FCGR3B: variants seen among roughly 807,000 people sequenced by gnomAD.
The protein encoded by FCGR3B is Fc gamma receptor IIIb.
FCGR3B carries 20 observed loss-of-function variants against 26.7 expected under a neutral mutation model. The ratio of observed to expected loss-of-function variants is 0.75; its 90% confidence interval spans 0.53 to 1.09. The LOEUF (loss-of-function observed/expected upper bound fraction) is 1.09. FCGR3B is among the 50% of genes least tolerant of loss of function. The pLI, the probability that FCGR3B is intolerant of heterozygous loss-of-function variation, is 0.00. For synonymous variants in FCGR3B, 79 were observed against 107.0 expected, an observed-to-expected ratio of 0.74 and a Z score of 1.62; for missense variants, 191 against 279.7, an observed-to-expected ratio of 0.68 and a Z score of 2.26.
intron 3 of FCGR3B, among the ~76,000 whole-genome samples, chr1:161,628,194 A>T (rs1679566112): frequency 6.7e-6 from 1 of 149,896 alleles, no homozygotes; most frequent in African/African-American, 2.5e-5. Flanking sequence ...AATCGCTGGA[A>T]CCAGGGAGGT....
At position 161,631,046 on chromosome 1, in the gene FCGR3B, C is replaced by G. The variant is rs199723977; in HGVS notation, c.40+9G>C. 112 of 1,604,278 alleles carry G rather than the reference C, an allele frequency of 7.0e-5. 9 individuals carry two copies. In the South Asian group the frequency reaches 1.2e-3, roughly 17 times the overall value. ...AACTTCTCCCTCAACCAGGGAGATC[C>G]TGACTTACCTAGAAGTAGCAGAGCA... On this transcript the variant is annotated intron_variant, in intron 1 of 4. Transcript: ENST00000650385.
Position 161,629,735 on chromosome 1 carries a change from C to T in FCGR3B, c.319+43G>A. 3 of 1,271,326 alleles carry T rather than the reference C, an allele frequency of 2.4e-6. 1 individual carries two copies. The allele number at this position is 1,271,326 out of a possible 1,614,324, so 78.8% of individuals were successfully genotyped here. On this transcript the variant is annotated intron_variant, in intron 3 of 4. Transcript: ENST00000650385. The stretch of plus-strand genomic sequence containing the variant: ...CCAAGTATTTCAGGACCCTTTGTTT[C>T]ACCCTTTATTGGTGATTTTCCTCTT...
In FCGR3B at chr1:161,624,455, T is replaced by C; in HGVS notation, c.*60A>G. The C allele has an allele frequency of 5.1e-6, 8 of 1,565,178 alleles. 1 individual carries two copies. The South Asian group carries it at 9.2e-5, about 18-fold the overall frequency. ...TATTACCCCCATGGGATGGGGGTCATGTGTCTTGAGGGTCCTTTCTCCATT... is the reference window on the plus strand; with the variant it reads ...TATTACCCCCATGGGATGGGGGTCACGTGTCTTGAGGGTCCTTTCTCCATT... On this transcript the variant is annotated 3_prime_UTR_variant, in exon 5 of 5. Coordinates refer to ENST00000650385, the MANE Select transcript of FCGR3B (RefSeq NM_001244753.2).
At position 161,623,306 on chromosome 1, in the gene FCGR3B, T is replaced by G. The variant is rs1482964423; in HGVS notation, c.*1209A>C. 2.0e-5 allele frequency: 3 copies of G among 150,538 alleles called. No homozygotes were observed. The highest frequency in any genetic ancestry group is 4.4e-5 in the Non-Finnish European group (3 of 67,768). The allele number at this position is 150,538 out of a possible 1,614,324, so 9.3% of individuals were successfully genotyped here. A position where few individuals can be genotyped will look rare whatever the true frequency, so the allele number is the denominator to read the frequency against. On this transcript the variant is annotated 3_prime_UTR_variant, in exon 5 of 5. Transcript: ENST00000650385. ...ACCAAGAAATGTTGCACTGAAAGCTTACAAAACAGAGACAGCTAAAGCTTT... is the reference window on the plus strand; with the variant it reads ...ACCAAGAAATGTTGCACTGAAAGCTGACAAAACAGAGACAGCTAAAGCTTT...
chr1:161,624,583 A>G lies in FCGR3B; in HGVS notation c.634T>C (p.Cys212Arg), dbSNP rs1363105641. 1 of 1,606,460 alleles carries G rather than the reference A, an allele frequency of 6.2e-7. No homozygotes were observed. The highest frequency in any genetic ancestry group is 8.5e-7 in the Non-Finnish European group (1 of 1,176,344). The change falls in exon 5 of 5, where the codon TGC becomes CGC. Residue 212 changes from cysteine to arginine, a missense_variant. Cys to Arg is a radical substitution (Grantham distance 180). This residue lies in a region of FCGR3B where 103 missense variants were observed against 114.5 expected (regional missense o/e 0.90). Coordinates refer to ENST00000650385, the MANE Select transcript of FCGR3B (RefSeq NM_001244753.2). ...FSPPGYQVSFCLVMVLLFAVD... is the reference protein window; with the variant it reads ...FSPPGYQVSFRLVMVLLFAVD... ...GCAAAAAGGAGTACCATCACCAAGCAGAAAGAGACTTGGTACCCAGGTGGA... is the reference window on the plus strand; with the variant it reads ...GCAAAAAGGAGTACCATCACCAAGCGGAAAGAGACTTGGTACCCAGGTGGA...
chr1:161,627,335 A>G (rs1162765318), intron 3 of FCGR3B, among the ~76,000 whole-genome samples: 3 of 150,314 alleles, frequency 2.0e-5, no homozygotes, highest in African/African-American at 7.4e-5. Flanking sequence ...AGTGGGACCA[A>G]AGGACATTTT....
At chr1:161,628,177 G>T (rs557010063) in intron 3 of FCGR3B, among the ~76,000 whole-genome samples, 1 of 150,172 alleles carries the variant, frequency 6.7e-6, no homozygotes, top group African/African-American at 2.5e-5. Flanking sequence ...GGAGGCTGAA[G>T]CAGGAGAATC....
At chr1:161,631,273 C>A, upstream of FCGR3B, 1 of 1,443,564 alleles carries the variant, frequency 6.9e-7, no homozygotes, top group Non-Finnish European at 9.4e-7. Context: ...CGCAATGGAG[C>A]CCCACCATAG....
chr1:161,626,814 G>C lies in FCGR3B; in HGVS notation c.320-412C>G, dbSNP rs1025121436. ...GATGAGTTGCTCTATTAGAGGAAAA[G>C]GTAGATTTCAGAAGGAATAGGCAAT... On this transcript the variant is annotated intron_variant, in intron 3 of 4. Coordinates refer to ENST00000650385, the MANE Select transcript of FCGR3B (RefSeq NM_001244753.2). 6.0e-5 allele frequency among the ~76,000 whole-genome samples: 9 copies of C among 150,368 alleles called. 1 individual carries two copies. The highest frequency in any genetic ancestry group is 2.2e-4 in the African/African-American group (9 of 40,456).
At chr1:161,631,214 G>A (rs748196949), upstream of FCGR3B, 28 of 1,584,604 alleles carry the variant, frequency 1.8e-5, no homozygotes, top group South Asian at 9.2e-5. Context: ...TCTGTCACCT[G>A]CCAGTTTCCT....
chr1:161,628,934 A>T (rs1679607941), intron 3 of FCGR3B, among the ~76,000 whole-genome samples: 1 of 131,036 alleles, frequency 7.6e-6, no homozygotes, highest in Admixed American at 8.3e-5. Context: ...TGCAGGCTGA[A>T]CATGTATCTG....
rs1368929413 is a variant in FCGR3B, at chr1:161,623,419, T to C, written c.*1096A>G. On this transcript the variant is annotated 3_prime_UTR_variant, in exon 5 of 5. Transcript: ENST00000650385. ...TTGAAAGTTTCACAGCGTAACTCAG[T>C]GAAGCTCAGTAGTACATTTAGTATT... The C allele has an allele frequency of 2.0e-5, 3 of 150,552 alleles. No homozygotes were observed. Among genetic ancestry groups the C allele is most frequent in the African/African-American group, 4.9e-5 (2 of 40,438 alleles). 9.3% of individuals were successfully genotyped at this position (150,552 alleles called of 1,614,324 possible). A position where few individuals can be genotyped will look rare whatever the true frequency, so the allele number is the denominator to read the frequency against.
upstream of FCGR3B, chr1:161,631,567 C>A: frequency 2.6e-6 from 1 of 385,144 alleles, no homozygotes; most frequent in East Asian, 3.9e-5. Flanking sequence ...TCGTCCAGAC[C>A]CATCTATCTC....
chr1:161,628,153 G>A (rs1408365067), intron 3 of FCGR3B, among the ~76,000 whole-genome samples: 7 of 149,870 alleles, frequency 4.7e-5, no homozygotes. Flanking sequence ...TGCACCTGTA[G>A]TCCCAGCTAG....
chr1:161,626,556 G>C (rs1406876879), intron 3 of FCGR3B, among the ~76,000 whole-genome samples, 154 bp from the exon 4 acceptor site: 3 of 146,830 alleles, frequency 2.0e-5, no homozygotes, highest in Non-Finnish European at 4.5e-5. Context: ...GAGCTGATGG[G>C]GCCCTGCAAG....
At chr1:161,630,807 C>T in intron 1 of FCGR3B, 1 of 836,016 alleles carries the variant, frequency 1.2e-6, no homozygotes, top group Non-Finnish European at 1.8e-6. Flanking sequence ...TCTTTGGTTC[C>T]ACATAGTGAT....
In FCGR3B at chr1:161,628,242, C is replaced by T. The variant is rs139051042; in HGVS notation, c.319+1536G>A. 4.8e-3 allele frequency among the ~76,000 whole-genome samples: 725 copies of T among 150,040 alleles called. 55 individuals carry two copies. Among genetic ancestry groups the T allele is most frequent in the African/African-American group, 0.017 (672 of 40,346 alleles). ...GAACCAAGATTGCGCCACTGCACTC[C>T]AGCTTGGGTGACAGAGAGAAACTCT... On this transcript the variant is annotated intron_variant, in intron 3 of 4. Coordinates refer to ENST00000650385, the MANE Select transcript of FCGR3B (RefSeq NM_001244753.2).
Position 161,626,404 on chromosome 1 carries a change from T to A in FCGR3B, c.320-2A>T, listed in dbSNP as rs766024902. 3.1e-6 allele frequency: 5 copies of A among 1,608,872 alleles called. No homozygotes were observed. Among genetic ancestry groups the A allele is most frequent in the Admixed American group, 1.7e-5 (1 of 59,594 alleles). On this transcript the variant is annotated splice_acceptor_variant, in intron 3 of 4. Coordinates refer to ENST00000650385, the MANE Select transcript of FCGR3B (RefSeq NM_001244753.2). LOFTEE classifies it high-confidence loss of function. ...GAGGGGCCTGGAGCAACAGCCAGCC[T>A]GAAAGACACAGAGACACCCCAGGCC...
Position 161,624,443 on chromosome 1 carries a change from G to A in FCGR3B, c.*72C>T, listed in dbSNP as rs1679358099. 2.0e-6 allele frequency: 3 copies of A among 1,526,940 alleles called. No homozygotes were observed. Among genetic ancestry groups the A allele is most frequent in the Non-Finnish European group, 2.7e-6 (3 of 1,116,254 alleles). The allele number at this position is 1,526,940 out of a possible 1,614,324, so 94.6% of individuals were successfully genotyped here. The stretch of plus-strand genomic sequence containing the variant: ...TGCCACTGCTCTTATTACCCCCATG[G>A]GATGGGGGTCATGTGTCTTGAGGGT... On this transcript the variant is annotated 3_prime_UTR_variant, in exon 5 of 5. Transcript: ENST00000650385.
Sources: gnomAD v4.1 joint callset for allele counts (sites outside exome capture counted in the v4.1 genomes callset) on GRCh38, gnomAD v4.1.1 for gene constraint, gnomAD v4.1.1 regional missense constraint, MANE v1.5 for transcripts, NCBI Gene and HGNC (gene_info 2026-07-23, HGNC 2026-07-21) for gene names.